NRDE2: variants seen among roughly 807,000 people sequenced by gnomAD.
NRDE2 encodes the protein NRDE-2, necessary for RNA interference, domain containing.
In NRDE2, 76 loss-of-function variants were observed where a neutral mutation model predicts 124.2. The observed-to-expected ratio is 0.61, with a 90% confidence interval of 0.51 to 0.74. The LOEUF (loss-of-function observed/expected upper bound fraction) is 0.74, where lower values mean the gene tolerates loss of function less well. NRDE2 is among the 30% of genes least tolerant of loss of function. The pLI, the probability that NRDE2 is intolerant of heterozygous loss-of-function variation, is 0.00. For synonymous variants in NRDE2, 489 were observed against 528.1 expected (o/e 0.93, Z 1.01); for missense variants, 1,314 against 1,417.3 (o/e 0.93, Z 1.17).
At chr14:90,324,397 C>T (rs772684256) in intron 1 of NRDE2, among the ~76,000 whole-genome samples, 5 of 152,102 alleles carry the variant, frequency 3.3e-5, no homozygotes, top group African/African-American at 7.2e-5. Flanking sequence ...CATTTTAGGC[C>T]GGGCGGGGTG....
chr14:90,288,870 C>T lies in NRDE2; in HGVS notation c.2505G>A (p.Ser835=), dbSNP rs1425497510. ...LLYAELEVEL[S]PEVRRAATAR... ...CTGTGGCAGCCCTTCTCACTTCTGGCGACAGCTCCACCTCCAGCTCAGCAT... is the reference window on the plus strand; with the variant it reads ...CTGTGGCAGCCCTTCTCACTTCTGGTGACAGCTCCACCTCCAGCTCAGCAT... Residue 835 remains serine (S), a synonymous_variant, in exon 11 of 14, where the codon TCG becomes TCA. Coordinates refer to ENST00000354366, the MANE Select transcript of NRDE2 (RefSeq NM_017970.4). 1.2e-5 allele frequency: 20 copies of T among 1,614,134 alleles called. No individual in the cohort carries two copies. The highest frequency in any genetic ancestry group is 5.5e-5 in the South Asian group (5 of 91,080).
Position 90,286,354 on chromosome 14 carries a change from C to T in NRDE2, c.3297G>A (p.Leu1099=). The part of the protein sequence containing the change: ...PLLWRMYLNF[L]VSLGNKERSK... ...ACAAAACATCTCAATATTTTCTTACCAGAAAGTTCAAATACATCCTCCACA... is the reference window on the plus strand; with the variant it reads ...ACAAAACATCTCAATATTTTCTTACTAGAAAGTTCAAATACATCCTCCACA... The change falls in exon 12 of 14, where the codon CTG becomes CTA. Residue 1099 remains leucine (L), a splice_region_variant and synonymous_variant. Transcript: ENST00000354366. 6.2e-7 allele frequency: 1 copy of T among 1,611,886 alleles called. No individual in the cohort carries two copies. The highest frequency in any genetic ancestry group is 8.5e-7 in the Non-Finnish European group (1 of 1,179,158).
chr14:90,329,085 AC>A (rs1260464293), intron 1 of NRDE2, among the ~76,000 whole-genome samples: 3 of 152,230 alleles, frequency 2.0e-5, no homozygotes, highest in African/African-American at 7.2e-5. Context: ...TATAAAACAT[AC>A]TTTTACACAC....
rs45499691 is a variant in NRDE2, at chr14:90,277,154, C to G, written c.*1182G>C. 5.3e-5 allele frequency: 8 copies of G among 152,260 alleles called. No homozygotes were observed. Among genetic ancestry groups the G allele is most frequent in the African/African-American group, 1.9e-4 (8 of 41,446 alleles). 9.4% of individuals were successfully genotyped at this position (152,260 alleles called of 1,614,324 possible). A position where few individuals can be genotyped will look rare whatever the true frequency, so the allele number is the denominator to read the frequency against. ...CCACCTGTAGCTCAGGGACTGGGGA[C>G]GAGCAGGAGAGGGCAGTAGTGGGGC... On this transcript the variant is annotated 3_prime_UTR_variant, in exon 14 of 14. Transcript: ENST00000354366.
intron 3 of NRDE2, among the ~76,000 whole-genome samples, chr14:90,314,886 G>C (rs1595073782): frequency 1.3e-5 from 2 of 151,890 alleles, no homozygotes; most frequent in South Asian, 4.2e-4. Context: ...AGCAAGCTTG[G>C]GGGCTGGGTG....
At chr14:90,287,414 T>C (rs923152559) in intron 11 of NRDE2, among the ~76,000 whole-genome samples, 4 of 151,918 alleles carry the variant, frequency 2.6e-5, no homozygotes, top group Admixed American at 2.0e-4. Context: ...GCTCAGGAGA[T>C]GGAGACCAGC....
Position 90,289,033 on chromosome 14 carries a change from CA to C in NRDE2, c.2341del (p.Cys781AlafsTer35). The C allele has an allele frequency of 1.2e-6, 2 of 1,614,146 alleles. No individual in the cohort carries two copies. The highest frequency in any genetic ancestry group is 1.1e-5 in the South Asian group (1 of 91,084). Reference sequence around the variant, plus strand: ...CAGATGTGCATACTGCTTCCACAGGCAAAAGTTGTTGCAGTTTTCTGGCTCC... The same window carrying C: ...CAGATGTGCATACTGCTTCCACAGGCAAAGTTGTTGCAGTTTTCTGGCTCC... ...LKEPENCNNF[C>X]LWKQYAHLEW... is the part of the protein sequence containing the mutation. On this transcript the variant is annotated frameshift_variant, in exon 11 of 14. Coordinates refer to ENST00000354366, the MANE Select transcript of NRDE2 (RefSeq NM_017970.4). LOFTEE classifies it high-confidence loss of function.
rs1566685851 is a variant in NRDE2 at position 90,289,159 on chromosome 14, G to A, written c.2230-14C>T. 2.5e-6 allele frequency: 4 copies of A among 1,578,894 alleles called. No homozygotes were observed. The highest frequency in any genetic ancestry group is 1.8e-5 in the Admixed American group (1 of 56,746). On this transcript the variant is annotated splice_polypyrimidine_tract_variant and intron_variant, in intron 10 of 13. Transcript: ENST00000354366. ...GCACCAAATGACCTACAGGGAAAAA[G>A]AGAAGAATGACTGCAGGTGCTCTGT...
chr14:90,329,854 AGT>A (rs1262595869), intron 1 of NRDE2, among the ~76,000 whole-genome samples: 6 of 150,316 alleles, frequency 4.0e-5, no homozygotes, highest in African/African-American at 9.7e-5. Flanking sequence ...AAAAAAAAAA[AGT>A]AAAAGAAAAA....
intron 7 of NRDE2, among the ~76,000 whole-genome samples, chr14:90,299,740 G>A (rs886291087): frequency 6.6e-6 from 1 of 152,168 alleles, no homozygotes; most frequent in African/African-American, 2.4e-5. Context: ...GGGGAACCAG[G>A]ACGACTACGC....
chr14:90,282,729 G>A (rs1354948787), intron 12 of NRDE2, among the ~76,000 whole-genome samples: 3 of 151,672 alleles, frequency 2.0e-5, no homozygotes, highest in East Asian at 1.9e-4. Context: ...GTGCGGTGGC[G>A]CGATCTCGGC....
At position 90,303,832 on chromosome 14, in the gene NRDE2, G is replaced by A. The variant is rs560862120; in HGVS notation, c.1005+103C>T. On this transcript the variant is annotated intron_variant, in intron 5 of 13. Transcript: ENST00000354366. ...TTCTAATAATCTTTGTATGCCCAGT[G>A]TCAAATTTCCTCATTTGCTCAAAAA... is the stretch of plus-strand genomic sequence containing the variant. 2.7e-5 allele frequency: 28 copies of A among 1,030,952 alleles called. 1 individual carries two copies. Among genetic ancestry groups the A allele is most frequent in the South Asian group, 6.2e-5 (4 of 64,534 alleles). The allele number at this position is 1,030,952 out of a possible 1,614,324, so 63.9% of individuals were successfully genotyped here.
chr14:90,289,581 A>C (rs1006595059), intron 10 of NRDE2, among the ~76,000 whole-genome samples: 19 of 152,184 alleles, frequency 1.2e-4, no homozygotes, highest in African/African-American at 4.6e-4. Flanking sequence ...AAGTATTATC[A>C]GTAGCTTATC....
At chr14:90,282,067 A>C (rs972862586) in intron 12 of NRDE2, among the ~76,000 whole-genome samples, 1 of 152,276 alleles carries the variant, frequency 6.6e-6, no homozygotes, top group African/African-American at 2.4e-5. Flanking sequence ...CATCAATCCC[A>C]TGAAATCAAC....
chr14:90,291,910 C>G (rs1204036473), intron 9 of NRDE2, among the ~76,000 whole-genome samples: 1 of 152,260 alleles, frequency 6.6e-6, no homozygotes, highest in African/African-American at 2.4e-5. Context: ...GCACTGACGT[C>G]AGAGCACTCA....
At chr14:90,325,850 C>T (rs747789276) in intron 1 of NRDE2, among the ~76,000 whole-genome samples, 11 of 152,056 alleles carry the variant, frequency 7.2e-5, no homozygotes, top group Admixed American at 1.3e-4. Context: ...TTAATGGTAG[C>T]CAGAAAGAGG....
At chr14:90,282,009 A>T (rs1347061660) in intron 12 of NRDE2, among the ~76,000 whole-genome samples, 2 of 152,248 alleles carry the variant, frequency 1.3e-5, no homozygotes, top group East Asian at 3.8e-4. Flanking sequence ...AGAAAATCTA[A>T]TGATTCACAA....
chr14:90,302,903 A>G lies in NRDE2; in HGVS notation c.1228T>C (p.Leu410=), dbSNP rs1383063760. ...LVKEWQKLIF[L]HPNNTALWQK... Reference sequence around the variant, plus strand: ...CAAAGGGCTGTATTATTGGGATGCAAAAATATCAGTTTCTGCCACTCTTTG... The same window carrying G: ...CAAAGGGCTGTATTATTGGGATGCAGAAATATCAGTTTCTGCCACTCTTTG... The change falls in exon 6 of 14, where the codon TTG becomes CTG. Residue 410 remains leucine, a synonymous_variant. Transcript: ENST00000354366. 1.1e-5 allele frequency: 18 copies of G among 1,614,022 alleles called. No homozygotes were observed. In the East Asian group the frequency reaches 3.6e-4, roughly 32 times the overall value.
intron 12 of NRDE2, among the ~76,000 whole-genome samples, chr14:90,283,319 C>T (rs1158995610): frequency 6.6e-6 from 1 of 152,168 alleles, no homozygotes; most frequent in African/African-American, 2.4e-5. Flanking sequence ...CACTTTTTGT[C>T]TACAACCGAA....
Sources: gnomAD v4.1 joint callset for allele counts (sites outside exome capture counted in the v4.1 genomes callset) on GRCh38, gnomAD v4.1.1 for gene constraint, MANE v1.5 for transcripts, NCBI Gene and HGNC (gene_info 2026-07-23, HGNC 2026-07-21) for gene names.